Variants in TET3 observed in about 807,000 individuals in gnomAD.
The protein encoded by TET3 is tet methylcytosine dioxygenase 3.
In TET3, 19 loss-of-function variants were observed where a neutral mutation model predicts 141.4. That is an observed-to-expected ratio of 0.13 (90% CI 0.09 to 0.20). TET3 has a LOEUF of 0.20. Ranked by LOEUF, TET3 falls within the 10% of genes least tolerant of loss-of-function variation. The pLI is 1.00. For missense variants in TET3, 1,874 were observed against 2,356.9 expected (o/e 0.80, Z 4.24); for synonymous variants, 1,043 against 980.9 (o/e 1.06, Z -1.18).
chr2:74,123,598 G>T, the TET3 span, among the ~76,000 whole-genome samples: 1 of 152,172 alleles, frequency 6.6e-6, no homozygotes, highest in Non-Finnish European at 1.5e-5. Flanking sequence ...GCGTGATCTC[G>T]GCTCGCTACA....
At position 74,102,124 on chromosome 2, in the gene TET3, T is replaced by G; in HGVS notation, c.5336T>G (p.Val1779Gly). Reference sequence around the variant, plus strand: ...GTGCCCACAGACTCGGCGGTCACCGTGTCCTCCTATGCCTACACGAAGGTC... The same window carrying G: ...GTGCCCACAGACTCGGCGGTCACCGGGTCCTCCTATGCCTACACGAAGGTC... ...LAVPTDSAVT[V>G]SSYAYTKVTG... The change falls in exon 12 of 12, where the codon GTG (valine) becomes GGG (glycine). Residue 1779 changes from valine (V) to glycine (G), a missense_variant. Physicochemically the swap from Val to Gly is moderately radical, Grantham distance 109. Transcript: ENST00000409262. 6.7e-7 allele frequency: 1 copy of G among 1,486,868 alleles called. No homozygotes were observed. The highest frequency in any genetic ancestry group is 8.9e-7 in the Non-Finnish European group (1 of 1,118,876). The allele number at this position is 1,486,868 out of a possible 1,614,324, so 92.1% of individuals were successfully genotyped here. A position where few individuals can be genotyped will look rare whatever the true frequency, so the allele number is the denominator to read the frequency against.
intron 3 of TET3, among the ~76,000 whole-genome samples, chr2:74,018,496 C>T (rs1042567260): frequency 2.6e-5 from 4 of 152,014 alleles, no homozygotes; most frequent in African/African-American, 4.8e-5. Flanking sequence ...TTTTTGCATG[C>T]GATATAAGAT....
At chr2:74,069,394 A>G (rs1689080636) in intron 4 of TET3, among the ~76,000 whole-genome samples, 1 of 149,510 alleles carries the variant, frequency 6.7e-6, no homozygotes. Context: ...GCTGAGCATA[A>G]TGATCTGGAT....
intron 10 of TET3, among the ~76,000 whole-genome samples, chr2:74,098,391 A>G (rs1016240540): frequency 2.0e-5 from 3 of 152,226 alleles, no homozygotes; most frequent in Non-Finnish European, 4.4e-5. Flanking sequence ...TATGTTAAGA[A>G]AAAAATGAAG....
the TET3 span, among the ~76,000 whole-genome samples, chr2:74,114,681 C>T: frequency 6.6e-6 from 1 of 151,164 alleles, no homozygotes; most frequent in Non-Finnish European, 1.5e-5. Context: ...GTGAAACCCC[C>T]GTCTCTACTG....
chr2:74,044,713 A>G (rs764256665), intron 3 of TET3, among the ~76,000 whole-genome samples: 4 of 152,232 alleles, frequency 2.6e-5, no homozygotes, highest in African/African-American at 7.2e-5. Context: ...TATGGTTTCT[A>G]TTGAACGCCT....
chr2:74,046,187 A>T lies in TET3; in HGVS notation c.361-91A>T. On this transcript the variant is annotated intron_variant, in intron 3 of 11. Transcript: ENST00000409262. The surrounding 1 kb of genome is among the most constrained non-coding windows in gnomAD (Gnocchi z 4.3). Reference sequence around the variant, plus strand: ...AGGATTTGCAAGAAAAGTTGGGGTCAGATGTGCACCTGAGTGGTATGAAGC... The same window carrying T: ...AGGATTTGCAAGAAAAGTTGGGGTCTGATGTGCACCTGAGTGGTATGAAGC... The T allele has an allele frequency of 8.3e-7, 1 of 1,203,306 alleles. No individual in the cohort carries two copies. Among genetic ancestry groups the T allele is most frequent in the Non-Finnish European group, 1.1e-6 (1 of 912,856 alleles). The allele number at this position is 1,203,306 out of a possible 1,614,324, so 74.5% of individuals were successfully genotyped here.
chr2:74,037,446 C>T (rs1687129890), intron 3 of TET3, among the ~76,000 whole-genome samples: 1 of 152,242 alleles, frequency 6.6e-6, no homozygotes, highest in Non-Finnish European at 1.5e-5. Context: ...CTGGAAAGAG[C>T]AGCCCCTTGA....
intron 3 of TET3, among the ~76,000 whole-genome samples, chr2:74,030,991 A>T (rs1686653046): frequency 6.6e-6 from 1 of 150,952 alleles, no homozygotes; most frequent in South Asian, 2.1e-4. Context: ...TCCGGGGGGG[A>T]GTTGCTGAGG....
downstream of TET3, among the ~76,000 whole-genome samples, chr2:74,110,626 C>G (rs994469366): frequency 6.6e-6 from 1 of 152,112 alleles, no homozygotes; most frequent in Non-Finnish European, 1.5e-5. Flanking sequence ...CTAGATACCC[C>G]CCAGCACCTC....
intron 10 of TET3, among the ~76,000 whole-genome samples, chr2:74,096,948 C>G (rs1414721923): frequency 6.6e-6 from 1 of 151,754 alleles, no homozygotes; most frequent in Non-Finnish European, 1.5e-5. Context: ...CAAAAATTTG[C>G]TGGGCGTGGT....
In TET3 at chr2:74,080,560, A is replaced by G. The variant is rs1329264614; in HGVS notation, c.2648A>G (p.Lys883Arg). Reference sequence around the variant, plus strand: ...GTCATCTACACGGGGAAGGAGGGAAAGAGCTCCCGCGGTTGCCCCATTGCA... The same window carrying G: ...GTCATCTACACGGGGAAGGAGGGAAGGAGCTCCCGCGGTTGCCCCATTGCA... Reference protein sequence around the residue: ...EKVIYTGKEGKSSRGCPIAKW... With the variant: ...EKVIYTGKEGRSSRGCPIAKW... The change falls in exon 6 of 12, where the codon AAG (lysine) becomes AGG (arginine). Residue 883 changes from lysine (K) to arginine (R), a missense_variant. By Grantham distance (26) the Lys-to-Arg change is conservative. Coordinates refer to ENST00000409262, the MANE Select transcript of TET3 (RefSeq NM_001287491.2). The G allele has an allele frequency of 2.5e-6, 4 of 1,613,162 alleles. No individual in the cohort carries two copies. Among genetic ancestry groups the G allele is most frequent in the Non-Finnish European group, 3.4e-6 (4 of 1,179,554 alleles).
chr2:73,999,860 G>T (rs981050110), intron 2 of TET3, among the ~76,000 whole-genome samples: 1 of 152,158 alleles, frequency 6.6e-6, no homozygotes, highest in African/African-American at 2.4e-5. Flanking sequence ...TTGAGCCCCG[G>T]CATTCCACGA....
intron 4 of TET3, among the ~76,000 whole-genome samples, chr2:74,054,562 A>G (rs1219581465): frequency 6.6e-6 from 1 of 152,186 alleles, no homozygotes; most frequent in African/African-American, 2.4e-5. Context: ...GACTGATGGT[A>G]ACTGAAAATG....
At chr2:74,069,722 G>A (rs1689103079) in intron 4 of TET3, among the ~76,000 whole-genome samples, 1 of 151,888 alleles carries the variant, frequency 6.6e-6, no homozygotes, top group African/African-American at 2.4e-5. Context: ...AAGTAGCTGG[G>A]ACTATAGGCA....
chr2:74,135,369 G>T, the TET3 span: 1 of 708,050 alleles, frequency 1.4e-6, no homozygotes, highest in Non-Finnish European at 2.4e-6. Context: ...GACCCCTTTG[G>T]CCAAAATAAA....
At chr2:74,133,995 G>A in the TET3 span, among the ~76,000 whole-genome samples, 27,654 of 151,058 alleles carry the variant, frequency 0.18, 2,863 homozygotes, top group East Asian at 0.39. Flanking sequence ...CCCCCCCCTC[G>A]GCCTCTCAAA....
chr2:73,994,638 CTTTTTTTTT>C (rs572235939), intron 2 of TET3, among the ~76,000 whole-genome samples: 1 of 96,750 alleles, frequency 1.0e-5, no homozygotes, highest in South Asian at 2.9e-4. Flanking sequence ...TTCTTTCTTT[CTTTTTTTTT>C]TTTTTTTTTG....
At chr2:74,098,863 C>A (rs886178298) in intron 10 of TET3, among the ~76,000 whole-genome samples, 1 of 152,098 alleles carries the variant, frequency 6.6e-6, no homozygotes, top group Non-Finnish European at 1.5e-5. Context: ...CAAAAGGAAA[C>A]GTATTTTAAG....
Sources: allele counts gnomAD v4.1 joint callset (sites outside exome capture counted in the v4.1 genomes callset), GRCh38; gene constraint gnomAD v4.1.1; non-coding constraint Gnocchi (gnomAD v3.1); transcripts MANE v1.5; gene names NCBI Gene and HGNC (gene_info 2026-07-23, HGNC 2026-07-21).